PARP11: variants seen among roughly 807,000 people sequenced by gnomAD.
The protein encoded by PARP11 is poly(ADP-ribose) polymerase family member 11, also known as protein mono-ADP-ribosyltransferase PARP11.
A neutral mutation model predicts 42.9 loss-of-function variants in PARP11; 31 were observed. The ratio of observed to expected loss-of-function variants is 0.72; its 90% CI spans 0.54 to 0.98. PARP11 has a LOEUF of 0.98. PARP11 is among the 50% of genes least tolerant of loss of function. The pLI is 0.00. For synonymous variants in PARP11, 137 were observed against 127.3 expected (o/e 1.08, Z -0.51); for missense variants, 365 against 413.1 (o/e 0.88, Z 1.01).
Position 3,810,203 on chromosome 12 carries a change from GGAT to G in PARP11, c.*1917_*1919del, listed in dbSNP as rs1947141393. ...CTAACTCTCAGCCAAAATTGGGTGA[GGAT>G]AATAGAGAGAAAATTCAGCATTAGA... On this transcript the variant is annotated 3_prime_UTR_variant, in exon 8 of 8. Transcript: ENST00000228820. 6.6e-6 allele frequency: 1 copy of G among 152,182 alleles called. No homozygotes were observed. Among genetic ancestry groups the G allele is most frequent in the East Asian group, 1.9e-4 (1 of 5,192 alleles). The allele number at this position is 152,182 out of a possible 1,614,324, so 9.4% of individuals were successfully genotyped here.
chr12:3,830,468 A>C (rs917894981), intron 1 of PARP11, among the ~76,000 whole-genome samples: 2 of 152,190 alleles, frequency 1.3e-5, no homozygotes, highest in Non-Finnish European at 2.9e-5. Context: ...GTTGAGTGTA[A>C]AAGATTACAA....
intron 2 of PARP11, 94 bp from the exon 3 acceptor site, chr12:3,829,124 A>AG (rs1476131830): frequency 1.5e-6 from 2 of 1,354,090 alleles, no homozygotes; most frequent in Admixed American, 3.9e-5. Flanking sequence ...CAGGGAATGG[A>AG]GGGGCGAGGG....
chr12:3,817,425 C>T (rs1188035152), intron 6 of PARP11, among the ~76,000 whole-genome samples: 1 of 152,224 alleles, frequency 6.6e-6, no homozygotes, highest in East Asian at 1.9e-4. Context: ...TGTATCCCCA[C>T]AGCACAGTTT....
chr12:3,872,674 C>G, intron 1 of PARP11: 1 of 985,322 alleles, frequency 1.0e-6, no homozygotes, highest in Non-Finnish European at 1.2e-6. Flanking sequence ...TAGGCCCATT[C>G]AAGACAAGGG....
chr12:3,853,523 CA>C (rs1490444795), intron 1 of PARP11, among the ~76,000 whole-genome samples: 1 of 152,048 alleles, frequency 6.6e-6, no homozygotes, highest in Non-Finnish European at 1.5e-5. Flanking sequence ...CAACAAAGAT[CA>C]AAAGAGACAA....
intron 6 of PARP11, among the ~76,000 whole-genome samples, chr12:3,819,833 C>T (rs1947358539): frequency 6.6e-6 from 1 of 152,218 alleles, no homozygotes; most frequent in Non-Finnish European, 1.5e-5. Flanking sequence ...CAAACTCCTG[C>T]ATGCTCTGCC....
chr12:3,817,347 C>T (rs890695642), intron 6 of PARP11, among the ~76,000 whole-genome samples: 2 of 152,130 alleles, frequency 1.3e-5, no homozygotes, highest in South Asian at 4.1e-4. Context: ...ACAACGCTTA[C>T]TTACTAGATT....
At chr12:3,860,711 A>T in intron 1 of PARP11, among the ~76,000 whole-genome samples, 1 of 152,034 alleles carries the variant, frequency 6.6e-6, no homozygotes, top group East Asian at 1.9e-4. Context: ...CTTGCACTTT[A>T]GTCTTGTCCA....
intron 6 of PARP11, among the ~76,000 whole-genome samples, chr12:3,816,872 A>C (rs1006895150): frequency 1.3e-5 from 2 of 152,148 alleles, no homozygotes; most frequent in Non-Finnish European, 2.9e-5. Context: ...ACCGCACTGC[A>C]GCCTGGGGAA....
chr12:3,825,651 G>C (rs1003341985), intron 4 of PARP11, among the ~76,000 whole-genome samples: 2 of 152,208 alleles, frequency 1.3e-5, no homozygotes, highest in Non-Finnish European at 2.9e-5. Context: ...AGGATAACAT[G>C]AAAGGAAGCA....
chr12:3,844,621 G>A (rs1443364760), intron 1 of PARP11, among the ~76,000 whole-genome samples: 1 of 152,180 alleles, frequency 6.6e-6, no homozygotes, highest in Non-Finnish European at 1.5e-5. Context: ...TATCTTCATT[G>A]TCACTTTGTC....
At position 3,861,261 on chromosome 12, in the gene PARP11, T is replaced by G. The variant is rs1361660006; in HGVS notation, c.18+11951A>C. On this transcript the variant is annotated intron_variant, in intron 1 of 7. Transcript: ENST00000228820. The surrounding 1 kb of genome is among the most constrained non-coding windows in gnomAD (Gnocchi z 4.6). ...CGTTTGTGTCCTTGCCAAATTATTA[T>G]GTTGAAATTCTAACTCCTAATGTGA... Among the ~76,000 whole-genome samples the G allele has an allele frequency of 1.3e-5, 2 of 152,222 alleles. No homozygotes were observed. Among genetic ancestry groups the G allele is most frequent in the Non-Finnish European group, 2.9e-5 (2 of 68,036 alleles).
chr12:3,853,022 C>T (rs1948124284), intron 1 of PARP11, among the ~76,000 whole-genome samples: 1 of 152,178 alleles, frequency 6.6e-6, no homozygotes, highest in East Asian at 1.9e-4. Flanking sequence ...AATTTCATAT[C>T]CAGCCAAACT....
At chr12:3,854,188 G>T (rs1948150400) in intron 1 of PARP11, among the ~76,000 whole-genome samples, 3 of 152,286 alleles carry the variant, frequency 2.0e-5, no homozygotes, top group South Asian at 2.1e-4. Flanking sequence ...AAGCAGGAAA[G>T]ATCTAAAATC....
In PARP11 at chr12:3,814,019, T is replaced by C; in HGVS notation, c.700+18A>G. 3.3e-6 allele frequency: 5 copies of C among 1,533,986 alleles called. No homozygotes were observed. Among genetic ancestry groups the C allele is most frequent in the East Asian group, 2.3e-5 (1 of 43,014 alleles). On this transcript the variant is annotated intron_variant, in intron 7 of 7. Coordinates refer to ENST00000228820, the MANE Select transcript of PARP11 (RefSeq NM_020367.6). ...TCTCTCCTGGGGCTCAAATTGGACC[T>C]GGAATTCTGATAATTACCTTTTCCA...
At position 3,822,460 on chromosome 12, in the gene PARP11, G is replaced by T. The variant is rs985844790; in HGVS notation, c.345-303C>A. ...AAAAATACAAAAAAATTAGCCAGGC[G>T]TGGGGGCGGGCGCCTGTAGTCCCAG... On this transcript the variant is annotated intron_variant, in intron 4 of 7. Transcript: ENST00000228820. Among the ~76,000 whole-genome samples, 44 of 143,176 alleles carry T rather than the reference G, an allele frequency of 3.1e-4. 4 individuals are homozygous for T. The highest frequency in any genetic ancestry group is 1.8e-3 in the Admixed American group (24 of 13,558). The allele number at this position is 143,176 out of a possible 152,430, so 93.9% of individuals were successfully genotyped here. A position where few individuals can be genotyped will look rare whatever the true frequency, so the allele number is the denominator to read the frequency against.
chr12:3,830,316 C>A (rs548890352), intron 1 of PARP11, among the ~76,000 whole-genome samples: 7 of 152,106 alleles, frequency 4.6e-5, no homozygotes, highest in Admixed American at 3.3e-4. Flanking sequence ...TTCAGCATAG[C>A]CCCAAGCATT....
At chr12:3,853,515 A>C (rs1007508576) in intron 1 of PARP11, among the ~76,000 whole-genome samples, 1 of 152,244 alleles carries the variant, frequency 6.6e-6, no homozygotes, top group South Asian at 2.1e-4. Flanking sequence ...CTTTAAACCA[A>C]CAAAGATCAA....
rs1947873533 is a variant in PARP11 at position 3,840,907 on chromosome 12, C to A, written c.19-10889G>T. 4 of 1,602,342 alleles carry A rather than the reference C, an allele frequency of 2.5e-6. No individual in the cohort carries two copies. The Admixed American group carries it at 5.0e-5, about 20-fold the overall frequency. On this transcript the variant is annotated intron_variant, in intron 1 of 7. Transcript: ENST00000228820. The surrounding 1 kb of genome is among the most constrained non-coding windows in gnomAD (Gnocchi z 4.4). Reference sequence around the variant, plus strand: ...AAATCCAGCTCCCCTTCTAGTTTCTCCAGAGGTACATCTAACTCCTGCAGT... The same window carrying A: ...AAATCCAGCTCCCCTTCTAGTTTCTACAGAGGTACATCTAACTCCTGCAGT...
Sources: gnomAD v4.1 joint callset for allele counts (sites outside exome capture counted in the v4.1 genomes callset) on GRCh38, gnomAD v4.1.1 for gene constraint, Gnocchi (gnomAD v3.1) non-coding constraint, MANE v1.5 for transcripts, NCBI Gene and HGNC (gene_info 2026-07-23, HGNC 2026-07-21) for gene names.